TPTE2: variants seen among roughly 807,000 people sequenced by gnomAD.
TPTE2 encodes transmembrane phosphoinositide 3-phosphatase and tensin homolog 2.
In TPTE2, 53 loss-of-function variants were observed where a neutral mutation model predicts 78.6. The observed-to-expected ratio is 0.67, with a 90% CI of 0.54 to 0.85. TPTE2 has a LOEUF of 0.85. TPTE2 is among the 40% of genes least tolerant of loss of function. TPTE2 has a pLI of 0.00. For missense variants in TPTE2, 461 were observed against 623.0 expected, an observed-to-expected ratio of 0.74 and a Z score of 2.77; for synonymous variants, 175 against 206.2, an observed-to-expected ratio of 0.85 and a Z score of 1.30.
In TPTE2 at chr13:19,427,663, G is replaced by A. The variant is rs191438470; in HGVS notation, c.1303-1146C>T. Among the ~76,000 whole-genome samples, 862 of 152,288 alleles carry A rather than the reference G, an allele frequency of 5.7e-3. 13 individuals carry two copies. The highest frequency in any genetic ancestry group is 0.045 in the South Asian group (217 of 4,820). On this transcript the variant is annotated intron_variant, in intron 17 of 19. Coordinates refer to ENST00000400230, the Ensembl canonical transcript of TPTE2. ...GCATGCTCCTCCCAAGGGAGGGGGA[G>A]AGTGGGGTCCCCCTGCTCATCATGT...
chr13:19,511,223 T>C (rs926342672), intron 1 of TPTE2, among the ~76,000 whole-genome samples: 11 of 152,200 alleles, frequency 7.2e-5, no homozygotes, highest in Non-Finnish European at 1.3e-4. Context: ...TGTTCCTCAC[T>C]AGGGGATGCA....
chr13:19,426,896 G>A (rs1876140031), intron 17 of TPTE2, among the ~76,000 whole-genome samples: 1 of 151,574 alleles, frequency 6.6e-6, no homozygotes, highest in Non-Finnish European at 1.5e-5. Context: ...GTAGAGATGG[G>A]GTTTCACTGT....
chr13:19,545,116 A>G, the TPTE2 span, among the ~76,000 whole-genome samples: 1 of 152,196 alleles, frequency 6.6e-6, no homozygotes, highest in South Asian at 2.1e-4. Context: ...AACAGACAAG[A>G]GATGGGAGTA....
the TPTE2 span, among the ~76,000 whole-genome samples, chr13:19,544,269 G>T: frequency 6.6e-6 from 1 of 151,912 alleles, no homozygotes; most frequent in Non-Finnish European, 1.5e-5. Context: ...AAGTAAAAAG[G>T]ATGGTTAATG....
intron 1 of TPTE2, among the ~76,000 whole-genome samples, chr13:19,532,750 T>C (rs1039249185): frequency 7.2e-5 from 11 of 152,228 alleles, no homozygotes; most frequent in Non-Finnish European, 1.0e-4. Flanking sequence ...ACTGGTTTTA[T>C]TGAGTGCCCA....
At chr13:19,503,779 A>G (rs1430587798), upstream of TPTE2, among the ~76,000 whole-genome samples, 1 of 152,092 alleles carries the variant, frequency 6.6e-6, no homozygotes, top group African/African-American at 2.4e-5. Context: ...GCAGGGTCAA[A>G]AACATTTCTA....
At chr13:19,503,962 G>T (rs1185271416), upstream of TPTE2, among the ~76,000 whole-genome samples, 1 of 151,358 alleles carries the variant, frequency 6.6e-6, no homozygotes, top group African/African-American at 2.4e-5. Context: ...GGATGGGCTC[G>T]ATCTCCTGAT....
intron 1 of TPTE2, among the ~76,000 whole-genome samples, chr13:19,520,496 CT>C (rs1348514397): frequency 6.6e-6 from 1 of 151,438 alleles, no homozygotes; most frequent in Non-Finnish European, 1.5e-5. Flanking sequence ...GAGTTCTTTT[CT>C]TTTTTTTCTT....
intron 4 of TPTE2, among the ~76,000 whole-genome samples, chr13:19,478,972 A>G (rs992180618): frequency 1.3e-5 from 2 of 152,084 alleles, no homozygotes; most frequent in Non-Finnish European, 2.9e-5. Flanking sequence ...GAACCCTTGG[A>G]CAAAGGAAGG....
chr13:19,459,921 G>A (rs1445660224), intron 10 of TPTE2, among the ~76,000 whole-genome samples: 1 of 152,200 alleles, frequency 6.6e-6, no homozygotes, highest in Non-Finnish European at 1.5e-5. Flanking sequence ...AGACCCATCT[G>A]AGGTGGATTC....
chr13:19,428,969 C>T (rs1876351596), intron 17 of TPTE2, among the ~76,000 whole-genome samples: 1 of 152,092 alleles, frequency 6.6e-6, no homozygotes, highest in African/African-American at 2.4e-5. Flanking sequence ...GACAAAGAGG[C>T]CTGATAATTA....
chr13:19,465,246 G>A lies in TPTE2; in HGVS notation c.676+9C>T. 6.2e-7 allele frequency: 1 copy of A among 1,613,838 alleles called. No individual in the cohort carries two copies. The highest frequency in any genetic ancestry group is 2.2e-5 in the East Asian group (1 of 44,854). The stretch of plus-strand genomic sequence containing the variant: ...AATACAAGTAAATCAACCATTAAGT[G>A]TCACAAACCTGTAACGTAAGTGAGG... On this transcript the variant is annotated intron_variant, in intron 9 of 19. Coordinates refer to ENST00000400230, the Ensembl canonical transcript of TPTE2.
chr13:19,550,640 C>A, the TPTE2 span, among the ~76,000 whole-genome samples: 1 of 152,104 alleles, frequency 6.6e-6, no homozygotes, highest in Non-Finnish European at 1.5e-5. Context: ...TTATTCCCAT[C>A]ATTTTAGAGA....
Position 19,486,193 on chromosome 13 carries a change from G to A in TPTE2, c.120-3646C>T, listed in dbSNP as rs950995225. On this transcript the variant is annotated intron_variant, in intron 3 of 19. Coordinates refer to ENST00000400230, the Ensembl canonical transcript of TPTE2. This position sits in a 1 kb window ranked among gnomAD's most constrained non-coding sequence, Gnocchi z 4.3. Reference sequence around the variant, plus strand: ...GAATTTATTTCTATGAATAGGTCTCGGATGTCAGTTCATTGGGGTATACTG... The same window carrying A: ...GAATTTATTTCTATGAATAGGTCTCAGATGTCAGTTCATTGGGGTATACTG... Among the ~76,000 whole-genome samples the A allele has an allele frequency of 3.1e-4, 47 of 152,044 alleles. No individual in the cohort carries two copies. Among genetic ancestry groups the A allele is most frequent in the African/African-American group, 9.9e-4 (41 of 41,404 alleles).
At chr13:19,461,108 C>T (rs1878859091) in intron 10 of TPTE2, among the ~76,000 whole-genome samples, 2 of 151,996 alleles carry the variant, frequency 1.3e-5, no homozygotes, top group African/African-American at 4.8e-5. Context: ...TAATTTTGAG[C>T]CTGGGCCTGA....
At chr13:19,497,183 A>C (rs1397646672) in intron 1 of TPTE2, among the ~76,000 whole-genome samples, 1 of 151,422 alleles carries the variant, frequency 6.6e-6, no homozygotes, top group Non-Finnish European at 1.5e-5. Context: ...CTAGCACAGC[A>C]GTCTGAGATC....
intron 1 of TPTE2, among the ~76,000 whole-genome samples, chr13:19,517,793 G>A (rs747131704): frequency 6.6e-6 from 1 of 152,074 alleles, no homozygotes; most frequent in Non-Finnish European, 1.5e-5. Flanking sequence ...AGACTGCAGA[G>A]ACTTAAAAAC....
chr13:19,479,829 G>A (rs1880220695), intron 4 of TPTE2, among the ~76,000 whole-genome samples: 1 of 151,972 alleles, frequency 6.6e-6, no homozygotes, highest in African/African-American at 2.4e-5. Flanking sequence ...TGGGCGTGGT[G>A]GTGCGTGACT....
the TPTE2 span, chr13:19,560,356 A>T: frequency 6.3e-7 from 1 of 1,597,480 alleles, no homozygotes. Flanking sequence ...CACCAGTTGC[A>T]GCAGGGCAGC....
Sources: allele counts gnomAD v4.1 joint callset (sites outside exome capture counted in the v4.1 genomes callset), GRCh38; gene constraint gnomAD v4.1.1; non-coding constraint Gnocchi (gnomAD v3.1); transcripts MANE v1.5; gene names NCBI Gene and HGNC (gene_info 2026-07-23, HGNC 2026-07-21).